The following SLC24A2 variants were observed in gnomAD, a reference collection of about 807,000 sequenced individuals.
The protein encoded by SLC24A2 is sodium/potassium/calcium exchanger 2.
SLC24A2 carries 36 observed loss-of-function variants against 62.0 expected under a neutral mutation model. That is an observed-to-expected ratio of 0.58 (90% CI 0.44 to 0.77). The LOEUF (loss-of-function observed/expected upper bound fraction) is 0.77. SLC24A2 is among the 30% of genes least tolerant of loss of function. SLC24A2 has a pLI of 0.00. For synonymous variants in SLC24A2, 358 were observed against 294.0 expected, an observed-to-expected ratio of 1.22 and a Z score of -2.23; for missense variants, 846 against 817.9, an observed-to-expected ratio of 1.03 and a Z score of -0.42.
At chr9:20,041,043 G>C in the SLC24A2 span, among the ~76,000 whole-genome samples, 1 of 152,146 alleles carries the variant, frequency 6.6e-6, no homozygotes, top group African/African-American at 2.4e-5. Flanking sequence ...ATTTTTTTTA[G>C]GACATCGACT....
intron 7 of SLC24A2, among the ~76,000 whole-genome samples, chr9:19,560,909 A>G (rs1215901812): frequency 2.4e-3 from 112 of 47,280 alleles, no homozygotes; most frequent in African/African-American, 0.011. Context: ...ATATATATAT[A>G]TATATATAGA....
At chr9:20,271,379 A>G in the SLC24A2 span, among the ~76,000 whole-genome samples, 3 of 152,290 alleles carry the variant, frequency 2.0e-5, no homozygotes, top group East Asian at 3.9e-4. Flanking sequence ...CAAGAGTGAG[A>G]CTGTGTGTCT....
intron 2 of SLC24A2, among the ~76,000 whole-genome samples, chr9:19,773,799 A>G (rs1179571714): frequency 6.6e-6 from 1 of 152,250 alleles, no homozygotes; most frequent in Non-Finnish European, 1.5e-5. Context: ...AATAGCTAAG[A>G]TTAAATATTG....
At chr9:19,954,157 C>G in the SLC24A2 span, among the ~76,000 whole-genome samples, 1 of 152,064 alleles carries the variant, frequency 6.6e-6, no homozygotes, top group African/African-American at 2.4e-5. Context: ...TTAAATGATA[C>G]ATTTGTATTT....
At chr9:20,284,531 A>AT in the SLC24A2 span, among the ~76,000 whole-genome samples, 74,445 of 151,310 alleles carry the variant, frequency 0.49, 19,084 homozygotes, top group African/African-American at 0.66. Context: ...CTTAAAACAC[A>AT]TTTTTTTTTG....
chr9:20,203,621 G>A, the SLC24A2 span, among the ~76,000 whole-genome samples: 3 of 152,164 alleles, frequency 2.0e-5, no homozygotes, highest in Non-Finnish European at 4.4e-5. Context: ...AGGCCAAAGG[G>A]TCGCTTGGGG....
At chr9:19,799,551 C>T in the SLC24A2 span, among the ~76,000 whole-genome samples, 14 of 152,120 alleles carry the variant, frequency 9.2e-5, no homozygotes, top group African/African-American at 3.4e-4. Context: ...TCTGAAATAC[C>T]TGTCAGCTTA....
the SLC24A2 span, among the ~76,000 whole-genome samples, chr9:19,949,294 C>G: frequency 6.6e-6 from 1 of 152,128 alleles, no homozygotes; most frequent in Non-Finnish European, 1.5e-5. Flanking sequence ...GCGCCTGGCC[C>G]CCACCTTCCA....
At chr9:19,531,425 G>T (rs1833703150) in intron 8 of SLC24A2, among the ~76,000 whole-genome samples, 1 of 152,144 alleles carries the variant, frequency 6.6e-6, no homozygotes, top group Non-Finnish European at 1.5e-5. Flanking sequence ...CATCTGCTGG[G>T]ATGGACCTCA....
Position 19,644,098 on chromosome 9 carries a change from T to G in SLC24A2, c.931-21799A>C, listed in dbSNP as rs561134911. ...ACATCTCAGTTGTGAACTTATAGCT[T>G]AGTGAGTAATAGCATCTCCCATTGA... On this transcript the variant is annotated intron_variant, in intron 2 of 10. Coordinates refer to ENST00000341998, the MANE Select transcript of SLC24A2 (RefSeq NM_020344.4). Among the ~76,000 whole-genome samples the G allele has an allele frequency of 2.6e-5, 4 of 152,332 alleles. No individual in the cohort carries two copies. In the East Asian group the frequency reaches 7.7e-4, roughly 29 times the overall value.
chr9:20,247,286 C>T, the SLC24A2 span, among the ~76,000 whole-genome samples: 278 of 152,296 alleles, frequency 1.8e-3, 2 homozygotes, highest in Middle Eastern at 0.024. Flanking sequence ...ATCATCCTTA[C>T]GTAAGCATCA....
In SLC24A2 at chr9:19,515,027, G is replaced by A. The variant is rs1326758137; in HGVS notation, c.*1126C>T. The A allele has an allele frequency of 6.6e-6, 1 of 152,130 alleles. No homozygotes were observed. Among genetic ancestry groups the A allele is most frequent in the Non-Finnish European group, 1.5e-5 (1 of 68,036 alleles). 9.4% of individuals were successfully genotyped at this position (152,130 alleles called of 1,614,324 possible). On this transcript the variant is annotated 3_prime_UTR_variant, in exon 11 of 11. Coordinates refer to ENST00000341998, the MANE Select transcript of SLC24A2 (RefSeq NM_020344.4). The stretch of plus-strand genomic sequence containing the variant: ...CAAGGCCCACTAAGCACCTTTACTG[G>A]ATGACTTCTTATTGCACATCTAGGC...
At chr9:20,011,201 G>A in the SLC24A2 span, among the ~76,000 whole-genome samples, 2 of 152,064 alleles carry the variant, frequency 1.3e-5, no homozygotes, top group Non-Finnish European at 2.9e-5. Flanking sequence ...TTCCACAATG[G>A]TTGGACTAGT....
chr9:20,296,594 T>G, the SLC24A2 span, among the ~76,000 whole-genome samples: 1 of 152,250 alleles, frequency 6.6e-6, no homozygotes, highest in East Asian at 1.9e-4. Context: ...GACCTCTCTT[T>G]GCACATCTGC....
chr9:19,591,232 A>G (rs1431871596), intron 5 of SLC24A2, among the ~76,000 whole-genome samples: 1 of 152,066 alleles, frequency 6.6e-6, no homozygotes, highest in Non-Finnish European at 1.5e-5. Flanking sequence ...TACACCCACC[A>G]CTTTCTCAAC....
At chr9:19,819,257 C>T in the SLC24A2 span, among the ~76,000 whole-genome samples, 1 of 152,124 alleles carries the variant, frequency 6.6e-6, no homozygotes, top group Non-Finnish European at 1.5e-5. Flanking sequence ...TAGAAGATAA[C>T]ATTGGAAAAA....
At chr9:20,266,837 G>T in the SLC24A2 span, among the ~76,000 whole-genome samples, 2 of 152,042 alleles carry the variant, frequency 1.3e-5, no homozygotes, top group Non-Finnish European at 2.9e-5. Context: ...CAATACTTTG[G>T]GAGGCTGAGG....
the SLC24A2 span, among the ~76,000 whole-genome samples, chr9:20,003,055 TCTGC>T: frequency 2.6e-5 from 4 of 152,256 alleles, no homozygotes; most frequent in African/African-American, 9.6e-5. Context: ...TAAATCTGGT[TCTGC>T]CTGCCTATTT....
At chr9:19,782,410 G>A (rs754666490) in intron 2 of SLC24A2, among the ~76,000 whole-genome samples, 2 of 152,154 alleles carry the variant, frequency 1.3e-5, no homozygotes, top group Non-Finnish European at 2.9e-5. Context: ...CCCAGCCAAT[G>A]AGCTACTCAC....
Sources: gnomAD v4.1 joint callset for allele counts (sites outside exome capture counted in the v4.1 genomes callset) on GRCh38, gnomAD v4.1.1 for gene constraint, MANE v1.5 for transcripts, NCBI Gene and HGNC (gene_info 2026-07-23, HGNC 2026-07-21) for gene names.